Variants in RYR3 observed in about 807,000 individuals in gnomAD.
RYR3 encodes brain ryanodine receptor-calcium release channel.
RYR3 carries 207 observed loss-of-function variants against 584.3 expected under a neutral mutation model. The observed-to-expected ratio is 0.35, with a 90% CI of 0.32 to 0.40. The LOEUF (loss-of-function observed/expected upper bound fraction) is 0.40, where lower values mean the gene tolerates loss of function less well. Among genes scored for constraint, RYR3 ranks in the 10% least tolerant of loss-of-function variants. The pLI, the probability that RYR3 is intolerant of heterozygous loss-of-function variation, is 1.00. For synonymous variants in RYR3, 2,416 were observed against 2,248.5 expected, an observed-to-expected ratio of 1.07 and a Z score of -2.11; for missense variants, 5,616 against 6,089.2, an observed-to-expected ratio of 0.92 and a Z score of 2.59.
chr15:33,841,491 T>C (rs2078360269), intron 90 of RYR3, among the ~76,000 whole-genome samples: 1 of 152,244 alleles, frequency 6.6e-6, no homozygotes, highest in Admixed American at 6.5e-5. Context: ...AAATACCTAT[T>C]ATGTGTCAGG....
chr15:33,804,965 C>T (rs1345496002), intron 69 of RYR3, among the ~76,000 whole-genome samples: 2 of 152,184 alleles, frequency 1.3e-5, no homozygotes, highest in African/African-American at 4.8e-5. Flanking sequence ...TACAGTGAGC[C>T]ACGCTGTTAC....
intron 1 of RYR3, among the ~76,000 whole-genome samples, chr15:33,384,490 A>T (rs28391702): frequency 4.6e-5 from 5 of 107,784 alleles, no homozygotes; most frequent in African/African-American, 1.4e-4. Flanking sequence ...TTTATATTAT[A>T]ATAATTATAC....
chr15:33,509,706 T>C (rs2052801521), intron 3 of RYR3, among the ~76,000 whole-genome samples: 1 of 152,192 alleles, frequency 6.6e-6, no homozygotes, highest in South Asian at 2.1e-4. Flanking sequence ...ACAGCCAGAG[T>C]AGCCATGCTA....
intron 65 of RYR3, among the ~76,000 whole-genome samples, chr15:33,781,138 A>G (rs1267868778): frequency 6.6e-6 from 1 of 152,188 alleles, no homozygotes; most frequent in Non-Finnish European, 1.5e-5. Context: ...AATCCAAGGC[A>G]GGTTGTAAAT....
chr15:33,342,963 A>G (rs1347553948), intron 1 of RYR3, among the ~76,000 whole-genome samples: 1 of 152,206 alleles, frequency 6.6e-6, no homozygotes, highest in East Asian at 1.9e-4. Flanking sequence ...GAGCTTTGAA[A>G]AAACTCGATT....
intron 43 of RYR3, among the ~76,000 whole-genome samples, chr15:33,708,427 T>C (rs1024841718): frequency 3.3e-5 from 5 of 152,204 alleles, no homozygotes; most frequent in African/African-American, 1.2e-4. Flanking sequence ...ATCGACTGGC[T>C]CTTCTTCTAC....
At chr15:33,419,222 GA>G (rs1452496858) in intron 1 of RYR3, among the ~76,000 whole-genome samples, 1 of 152,116 alleles carries the variant, frequency 6.6e-6, no homozygotes, top group African/African-American at 2.4e-5. Flanking sequence ...AGGTAAATTT[GA>G]AAAAGCCACT....
intron 31 of RYR3, 60 bp downstream of exon 31, chr15:33,649,295 CTT>C (rs2062312238): frequency 5.4e-6 from 8 of 1,494,224 alleles, no homozygotes; most frequent in Admixed American, 1.7e-5. Context: ...TCCCCCCAGT[CTT>C]TTTCTTCCAC....
At chr15:33,562,722 AT>A (rs2057475428) in intron 10 of RYR3, 114 bp from the exon 11 acceptor site, 1 of 689,124 alleles carries the variant, frequency 1.5e-6, no homozygotes, top group Non-Finnish European at 2.5e-6. Context: ...CATCATGATT[AT>A]TTTGGTAACC....
intron 1 of RYR3, among the ~76,000 whole-genome samples, chr15:33,456,244 C>A (rs968171148): frequency 6.6e-6 from 1 of 152,272 alleles, no homozygotes. Flanking sequence ...TAATAAATTT[C>A]TTTTCTGCTT....
At chr15:33,582,021 C>A (rs1455810294) in intron 14 of RYR3, among the ~76,000 whole-genome samples, 1 of 152,156 alleles carries the variant, frequency 6.6e-6, no homozygotes, top group Non-Finnish European at 1.5e-5. Flanking sequence ...AAATCTGTGC[C>A]CTCTCACTTG....
chr15:33,790,382 T>G (rs2075082885), intron 67 of RYR3, among the ~76,000 whole-genome samples: 1 of 152,116 alleles, frequency 6.6e-6, no homozygotes. Flanking sequence ...TTGCCAGAAG[T>G]TATCAGATTC....
At chr15:33,344,509 C>G (rs1972203513) in intron 1 of RYR3, among the ~76,000 whole-genome samples, 1 of 151,790 alleles carries the variant, frequency 6.6e-6, no homozygotes. Flanking sequence ...ATATATTTTT[C>G]CAGAAGACAT....
intron 91 of RYR3, 27 bp downstream of exon 91, chr15:33,842,062 C>G (rs2078404135): frequency 6.3e-6 from 10 of 1,584,122 alleles, no homozygotes; most frequent in Non-Finnish European, 8.6e-6. Context: ...TGGCCCTGTT[C>G]ATGGTGCAGG....
chr15:33,414,748 G>T (rs1392220041), intron 1 of RYR3, among the ~76,000 whole-genome samples: 1 of 152,084 alleles, frequency 6.6e-6, no homozygotes, highest in Non-Finnish European at 1.5e-5. Context: ...GGGACTATAG[G>T]CACCCGCTAA....
chr15:33,735,611 G>A (rs772567319), intron 48 of RYR3, among the ~76,000 whole-genome samples: 5 of 152,074 alleles, frequency 3.3e-5, no homozygotes, highest in Non-Finnish European at 7.4e-5. Context: ...AGCAAAATTC[G>A]TGTTGCTTAT....
At chr15:33,785,235 C>G (rs1202943183) in intron 65 of RYR3, among the ~76,000 whole-genome samples, 2 of 152,184 alleles carry the variant, frequency 1.3e-5, no homozygotes, top group Non-Finnish European at 2.9e-5. Flanking sequence ...GTGATCCAGG[C>G]AATGGCACCA....
chr15:33,630,940 A>G (rs1470618966), intron 22 of RYR3, among the ~76,000 whole-genome samples: 2 of 152,160 alleles, frequency 1.3e-5, no homozygotes, highest in African/African-American at 4.8e-5. Context: ...ATTTTTGTAA[A>G]TAGATTGTTA....
In RYR3 at chr15:33,528,659, T is replaced by C. The variant is rs555862830; in HGVS notation, c.280-1933T>C. On this transcript the variant is annotated intron_variant, in intron 3 of 103. Transcript: ENST00000634891. ...ATCCTGACTGTGAACTTGGAACTTA[T>C]ATGACTTTGAGCAAGCTACTTAATC... 3.9e-5 allele frequency among the ~76,000 whole-genome samples: 6 copies of C among 152,342 alleles called. 1 individual carries two copies. The South Asian group carries it at 1.0e-3, about 26-fold the overall frequency.
Sources: gnomAD v4.1 joint callset for allele counts (sites outside exome capture counted in the v4.1 genomes callset) on GRCh38, gnomAD v4.1.1 for gene constraint, MANE v1.5 for transcripts, NCBI Gene and HGNC (gene_info 2026-07-23, HGNC 2026-07-21) for gene names.